IGF1: variants seen among roughly 807,000 people sequenced by gnomAD.
IGF1 encodes insulin-like growth factor 1.
Under a neutral mutation model 13.8 loss-of-function variants are expected in IGF1, and 4 were observed. The ratio of observed to expected loss-of-function variants is 0.29; its 90% CI spans 0.14 to 0.66. IGF1 has a LOEUF of 0.66. IGF1 is among the 30% of genes least tolerant of loss of function. The pLI is 0.78. For synonymous variants in IGF1, 76 were observed against 72.6 expected (o/e 1.05, Z -0.23); for missense variants, 124 against 188.5 (o/e 0.66, Z 2.00).
At chr12:102,454,468 G>A (rs5742639) in intron 2 of IGF1, among the ~76,000 whole-genome samples, 4,904 of 152,248 alleles carry the variant, frequency 0.032, 306 homozygotes, top group East Asian at 0.27. Context: ...AAAGATAACA[G>A]CAATACAGAG....
At chr12:102,421,094 C>G (rs953989350) in intron 2 of IGF1, among the ~76,000 whole-genome samples, 19 of 152,206 alleles carry the variant, frequency 1.2e-4, no homozygotes, top group African/African-American at 4.6e-4. Flanking sequence ...ATGGCAACCT[C>G]TAAGAACCCA....
chr12:102,434,014 C>T (rs1412189522), intron 2 of IGF1, among the ~76,000 whole-genome samples: 1 of 152,174 alleles, frequency 6.6e-6, no homozygotes. Context: ...GCTTAGAACA[C>T]AGGCTCTGGA....
At chr12:102,471,624 G>A (rs1880695119) in intron 2 of IGF1, among the ~76,000 whole-genome samples, 1 of 152,160 alleles carries the variant, frequency 6.6e-6, no homozygotes, top group Non-Finnish European at 1.5e-5. Context: ...TTGGAAGTAT[G>A]TTTTACAAAA....
At chr12:102,444,062 A>G (rs898322829) in intron 2 of IGF1, among the ~76,000 whole-genome samples, 3 of 151,700 alleles carry the variant, frequency 2.0e-5, no homozygotes, top group African/African-American at 7.3e-5. Context: ...CCTGACCTCA[A>G]GTGATCCGCC....
chr12:102,405,279 G>C (rs908092392), intron 3 of IGF1, among the ~76,000 whole-genome samples: 1 of 125,008 alleles, frequency 8.0e-6, no homozygotes, highest in Non-Finnish European at 1.9e-5. Context: ...ATAGAGATAG[G>C]GTTTCACCAT....
chr12:102,467,548 C>T (rs888417967), intron 2 of IGF1, among the ~76,000 whole-genome samples: 7 of 152,130 alleles, frequency 4.6e-5, no homozygotes, highest in African/African-American at 1.7e-4. Flanking sequence ...CTTAAGTGGA[C>T]GGAATGCCCA....
chr12:102,450,738 C>T (rs1017464418), intron 2 of IGF1, among the ~76,000 whole-genome samples: 3 of 152,214 alleles, frequency 2.0e-5, no homozygotes, highest in Non-Finnish European at 2.9e-5. Context: ...TTTGTCAATA[C>T]AATAATATAC....
At chr12:102,407,094 C>CAAAAAAAAAAAAAAAAAAAAAAAAAA (rs57468885) in intron 3 of IGF1, among the ~76,000 whole-genome samples, 1 of 100,982 alleles carries the variant, frequency 9.9e-6, no homozygotes, top group Non-Finnish European at 1.9e-5. Flanking sequence ...ACTCTGTCTC[C>CAAAAAAAAAAAAAAAAAAAAAAAAAA]AAAAAAAAAA....
At chr12:102,415,201 C>T (rs562466183) in intron 3 of IGF1, among the ~76,000 whole-genome samples, 11 of 152,158 alleles carry the variant, frequency 7.2e-5, no homozygotes, top group Admixed American at 2.6e-4. Context: ...TATGGTGTGT[C>T]TTTCTACCAC....
chr12:102,429,567 A>G (rs1350085710), intron 2 of IGF1, among the ~76,000 whole-genome samples: 3 of 152,226 alleles, frequency 2.0e-5, no homozygotes, highest in Non-Finnish European at 2.9e-5. Context: ...TCCAAGCTAA[A>G]TCATGTTCTC....
rs59075811 is a variant in IGF1, at chr12:102,456,221, G to GGTGTGTGT, written c.220+19414_220+19421dup. ...TATTCAATTTTTTCCATTTAAAAAA[G>GGTGTGTGT]GTGTGTGTGTGTGTGTGTGTGTGTG... On this transcript the variant is annotated intron_variant, in intron 2 of 3. Coordinates refer to ENST00000337514, the MANE Select transcript of IGF1 (RefSeq NM_000618.5). Among the ~76,000 whole-genome samples, 1,016 of 140,252 alleles carry GGTGTGTGT rather than the reference G, an allele frequency of 7.2e-3. 14 individuals carry two copies. Among genetic ancestry groups the GGTGTGTGT allele is most frequent in the Middle Eastern group, 0.022 (6 of 274 alleles). 92.0% of individuals were successfully genotyped at this position (140,252 alleles called of 152,430 possible). A position where few individuals can be genotyped will look rare whatever the true frequency, so the allele number is the denominator to read the frequency against.
rs1190148823 is a variant in IGF1, at chr12:102,471,114, A to C, written c.220+4529T>G. Among the ~76,000 whole-genome samples the C allele has an allele frequency of 3.9e-5, 6 of 152,234 alleles. No homozygotes were observed. The South Asian group carries it at 1.2e-3, about 32-fold the overall frequency. ...GTTGAAATCCAGCTTAAAGCAAAAC[A>C]AAACGAAGAATCTGGCTCCTCTTAC... is the stretch of plus-strand genomic sequence containing the variant. On this transcript the variant is annotated intron_variant, in intron 2 of 3. Transcript: ENST00000337514.
At chr12:102,428,327 T>C (rs1006720963) in intron 2 of IGF1, among the ~76,000 whole-genome samples, 2 of 146,024 alleles carry the variant, frequency 1.4e-5, no homozygotes, top group African/African-American at 5.0e-5. Context: ...AAGAGTTTTC[T>C]CTTTTTTAGA....
At chr12:102,412,680 A>G (rs1202357689) in intron 3 of IGF1, among the ~76,000 whole-genome samples, 1 of 152,232 alleles carries the variant, frequency 6.6e-6, no homozygotes, top group African/African-American at 2.4e-5. Context: ...TCATCTAACA[A>G]TAGGCAATGA....
intron 2 of IGF1, among the ~76,000 whole-genome samples, chr12:102,464,419 C>A (rs1880151473): frequency 6.7e-6 from 1 of 149,422 alleles, no homozygotes; most frequent in Non-Finnish European, 1.5e-5. Context: ...TTTGGAATGA[C>A]ATTTTCAATA....
intron 3 of IGF1, among the ~76,000 whole-genome samples, chr12:102,412,818 C>G (rs979657939): frequency 1.3e-5 from 2 of 152,130 alleles, no homozygotes; most frequent in Non-Finnish European, 2.9e-5. Flanking sequence ...ATCTCCATTT[C>G]TCTCTTCTGG....
chr12:102,432,784 G>C (rs1876853340), intron 2 of IGF1, among the ~76,000 whole-genome samples: 1 of 152,128 alleles, frequency 6.6e-6, no homozygotes, highest in Non-Finnish European at 1.5e-5. Context: ...CCAAGTACTT[G>C]TATACATATG....
intron 2 of IGF1, among the ~76,000 whole-genome samples, chr12:102,420,044 G>T (rs1009857232): frequency 6.6e-6 from 1 of 152,188 alleles, no homozygotes; most frequent in Non-Finnish European, 1.5e-5. Context: ...ATCATGCATT[G>T]TTTTCTTAAT....
At chr12:102,458,635 TG>T (rs566862763) in intron 2 of IGF1, among the ~76,000 whole-genome samples, 72 of 144,732 alleles carry the variant, frequency 5.0e-4, no homozygotes, top group South Asian at 4.2e-3. Flanking sequence ...GATAGTGCAG[TG>T]TATGAGGGAG....
Sources: gnomAD v4.1 joint callset for allele counts (sites outside exome capture counted in the v4.1 genomes callset) on GRCh38, gnomAD v4.1.1 for gene constraint, MANE v1.5 for transcripts, NCBI Gene and HGNC (gene_info 2026-07-23, HGNC 2026-07-21) for gene names.